KHDRBS2: variants seen among roughly 807,000 people sequenced by gnomAD.
KHDRBS2 encodes the protein KH RNA binding domain containing, signal transduction associated 2.
KHDRBS2 carries 26 observed loss-of-function variants against 44.3 expected under a neutral mutation model. The ratio of observed to expected loss-of-function variants is 0.59; its 90% CI spans 0.43 to 0.81. The LOEUF is 0.81. Ranked by LOEUF, KHDRBS2 falls within the 40% of genes least tolerant of loss-of-function variation. The probability of loss-of-function intolerance (pLI) is 0.00; values close to 1 mark genes in which losing one functional copy is unlikely to be tolerated. For synonymous variants in KHDRBS2, 194 were observed against 151.1 expected, an observed-to-expected ratio of 1.28 and a Z score of -2.08; for missense variants, 476 against 433.1, an observed-to-expected ratio of 1.10 and a Z score of -0.88.
At chr6:61,560,568 T>C in the KHDRBS2 span, among the ~76,000 whole-genome samples, 1 of 152,180 alleles carries the variant, frequency 6.6e-6, no homozygotes, top group Non-Finnish European at 1.5e-5. Context: ...TAATTATTTC[T>C]TCTTTTTAAT....
At chr6:61,930,011 A>G (rs1809715951) in intron 4 of KHDRBS2, among the ~76,000 whole-genome samples, 1 of 152,116 alleles carries the variant, frequency 6.6e-6, no homozygotes, top group South Asian at 2.1e-4. Flanking sequence ...GGCCTTAAAG[A>G]GGTGATTAAG....
At chr6:62,077,310 A>G (rs1796538140) in intron 2 of KHDRBS2, among the ~76,000 whole-genome samples, 1 of 151,974 alleles carries the variant, frequency 6.6e-6, no homozygotes, top group South Asian at 2.1e-4. Flanking sequence ...CAATTATGAA[A>G]TTGCCTGCCA....
the KHDRBS2 span, among the ~76,000 whole-genome samples, chr6:61,648,610 A>G: frequency 6.6e-6 from 1 of 152,174 alleles, no homozygotes; most frequent in Non-Finnish European, 1.5e-5. Context: ...AGACAATCAG[A>G]GACTTTCAAT....
chr6:62,122,717 A>T (rs1233294219), intron 2 of KHDRBS2, among the ~76,000 whole-genome samples: 1 of 125,472 alleles, frequency 8.0e-6, no homozygotes, highest in African/African-American at 3.3e-5. Context: ...ACACCACCTG[A>T]AAGTGGACAG....
intron 2 of KHDRBS2, among the ~76,000 whole-genome samples, chr6:62,133,394 G>A (rs997851794): frequency 1.3e-5 from 2 of 152,168 alleles, no homozygotes; most frequent in African/African-American, 4.8e-5. Flanking sequence ...TTTGCCTGCT[G>A]TCATGTAAAA....
chr6:62,036,750 A>T (rs1435306416), intron 3 of KHDRBS2, among the ~76,000 whole-genome samples: 1 of 151,998 alleles, frequency 6.6e-6, no homozygotes, highest in Admixed American at 6.6e-5. Flanking sequence ...CCCAATAGTT[A>T]AATATGTCCT....
chr6:62,108,673 A>G (rs1273209232), intron 2 of KHDRBS2, among the ~76,000 whole-genome samples: 5 of 152,222 alleles, frequency 3.3e-5, no homozygotes, highest in Non-Finnish European at 5.9e-5. Context: ...CACTATTCAC[A>G]ATAGCAAAGA....
In KHDRBS2 at chr6:61,843,699, G is replaced by C. The variant is rs570575404; in HGVS notation, c.810+50936C>G. Among the ~76,000 whole-genome samples, 18 of 152,088 alleles carry C rather than the reference G, an allele frequency of 1.2e-4. No homozygotes were observed. The South Asian group carries it at 3.3e-3, about 28-fold the overall frequency. On this transcript the variant is annotated intron_variant, in intron 6 of 8. Transcript: ENST00000281156. ...TATTATTGATATCTTCATGTGCTAT[G>C]CATCTTTGTATTAGTAATTGTTAGG...
chr6:62,002,962 G>C (rs528753540), intron 3 of KHDRBS2, among the ~76,000 whole-genome samples: 2 of 151,984 alleles, frequency 1.3e-5, no homozygotes, highest in South Asian at 4.1e-4. Context: ...ACCATTCTGA[G>C]GATTTGGTAA....
intron 3 of KHDRBS2, among the ~76,000 whole-genome samples, chr6:61,996,743 T>C (rs1314175283): frequency 2.0e-5 from 3 of 152,118 alleles, no homozygotes; most frequent in Non-Finnish European, 2.9e-5. Flanking sequence ...TGATAGCCTT[T>C]TAAATATTAA....
chr6:62,256,894 A>G (rs1361842661), intron 1 of KHDRBS2, among the ~76,000 whole-genome samples: 1 of 152,078 alleles, frequency 6.6e-6, no homozygotes, highest in Non-Finnish European at 1.5e-5. Flanking sequence ...ATATAGGGTT[A>G]AACCAGTGTG....
intron 1 of KHDRBS2, among the ~76,000 whole-genome samples, chr6:62,228,165 G>C (rs545439781): frequency 1.3e-5 from 2 of 152,030 alleles, no homozygotes; most frequent in Non-Finnish European, 2.9e-5. Context: ...GGCTTTATTC[G>C]GTTGGTAGGC....
chr6:62,103,293 C>T (rs1007550909), intron 2 of KHDRBS2, among the ~76,000 whole-genome samples: 3 of 152,168 alleles, frequency 2.0e-5, no homozygotes, highest in Non-Finnish European at 4.4e-5. Flanking sequence ...GTCTGCTGGG[C>T]CCCGGTTGTC....
chr6:62,125,934 G>A (rs188420008), intron 2 of KHDRBS2, among the ~76,000 whole-genome samples: 1 of 152,178 alleles, frequency 6.6e-6, no homozygotes, highest in African/African-American at 2.4e-5. Flanking sequence ...GGTGGCTACA[G>A]AGAGGGATTC....
Position 61,954,622 on chromosome 6 carries a change from A to G in KHDRBS2, c.483+23444T>C, listed in dbSNP as rs539313279. On this transcript the variant is annotated intron_variant, in intron 4 of 8. Transcript: ENST00000281156. ...CACATACATACTTATGTATACATATATATGTATATATACACATACATACTT... is the reference window on the plus strand; with the variant it reads ...CACATACATACTTATGTATACATATGTATGTATATATACACATACATACTT... 1.5e-3 allele frequency among the ~76,000 whole-genome samples: 179 copies of G among 119,734 alleles called. 1 individual carries two copies. Among genetic ancestry groups the G allele is most frequent in the Non-Finnish European group, 2.6e-3 (145 of 56,634 alleles). 78.6% of individuals were successfully genotyped at this position (119,734 alleles called of 152,430 possible). A position where few individuals can be genotyped will look rare whatever the true frequency, so the allele number is the denominator to read the frequency against.
chr6:61,775,290 AG>A (rs1781760245), intron 6 of KHDRBS2, among the ~76,000 whole-genome samples: 1 of 152,090 alleles, frequency 6.6e-6, no homozygotes, highest in African/African-American at 2.4e-5. Context: ...ATTTCTGGCC[AG>A]GGCAATCAAG....
intron 2 of KHDRBS2, among the ~76,000 whole-genome samples, chr6:62,131,323 A>T (rs1584878661): frequency 6.6e-6 from 1 of 152,216 alleles, no homozygotes; most frequent in Non-Finnish European, 1.5e-5. Context: ...CGTTACAAGG[A>T]TGCTTTTATT....
At chr6:62,246,146 AAAGCTACTCAGAT>A (rs1403833991) in intron 1 of KHDRBS2, among the ~76,000 whole-genome samples, 8 of 145,442 alleles carry the variant, frequency 5.5e-5, no homozygotes, top group African/African-American at 2.0e-4. Flanking sequence ...AATCAATGTT[AAAGCTACTCAGAT>A]AAGCTAGTGC....
intron 7 of KHDRBS2, among the ~76,000 whole-genome samples, chr6:61,712,316 C>T (rs1412950155): frequency 4.0e-5 from 6 of 151,872 alleles, no homozygotes; most frequent in Non-Finnish European, 8.8e-5. Context: ...AATACTCTAC[C>T]GCATTCTGGG....
Sources: gnomAD v4.1 joint callset for allele counts (sites outside exome capture counted in the v4.1 genomes callset) on GRCh38, gnomAD v4.1.1 for gene constraint, MANE v1.5 for transcripts, NCBI Gene and HGNC (gene_info 2026-07-23, HGNC 2026-07-21) for gene names.